Variants in ZNF516 observed in about 807,000 individuals in gnomAD.
The protein encoded by ZNF516 is zinc finger protein 516.
In ZNF516, 19 loss-of-function variants were observed where a neutral mutation model predicts 79.7. The observed-to-expected ratio is 0.24, with a 90% CI of 0.17 to 0.35. The LOEUF (loss-of-function observed/expected upper bound fraction) is 0.35. Ranked by LOEUF, ZNF516 falls within the 10% of genes least tolerant of loss-of-function variation. The pLI is 1.00. For synonymous variants in ZNF516, 877 were observed against 739.5 expected, an observed-to-expected ratio of 1.19 and a Z score of -3.02; for missense variants, 1,678 against 1,679.5, an observed-to-expected ratio of 1.00 and a Z score of 0.02.
chr18:76,452,917 G>C (rs1044533913), intron 2 of ZNF516, among the ~76,000 whole-genome samples: 1 of 152,202 alleles, frequency 6.6e-6, no homozygotes, highest in Non-Finnish European at 1.5e-5. Flanking sequence ...GATAGTTCTA[G>C]AGACTTTTTA....
chr18:76,488,474 G>A lies in ZNF516; in HGVS notation c.-272+6670C>T, dbSNP rs1478507792. On this transcript the variant is annotated intron_variant, in intron 1 of 6. Coordinates refer to ENST00000443185, the MANE Select transcript of ZNF516 (RefSeq NM_014643.4). ...AACCCACGGGTATTCCTTGGACTAC[G>A]TTCAGTAGATAGACAACTGAACTTT... Among the ~76,000 whole-genome samples the A allele has an allele frequency of 2.2e-5, 3 of 133,586 alleles. No individual in the cohort carries two copies. The East Asian group carries it at 8.0e-4, about 36-fold the overall frequency. The allele number at this position is 133,586 out of a possible 152,430, so 87.6% of individuals were successfully genotyped here. A position where few individuals can be genotyped will look rare whatever the true frequency, so the allele number is the denominator to read the frequency against.
chr18:76,417,619 A>G (rs527345647), intron 3 of ZNF516, among the ~76,000 whole-genome samples: 18 of 152,368 alleles, frequency 1.2e-4, no homozygotes, highest in Admixed American at 6.5e-5. Context: ...AAAGCCAAGA[A>G]GTAATAAAAC....
chr18:76,367,841 T>C (rs689635), intron 6 of ZNF516, among the ~76,000 whole-genome samples: 4,837 of 152,322 alleles, frequency 0.032, 136 homozygotes, highest in African/African-American at 0.064. Flanking sequence ...TAAATTATTA[T>C]AAAATGGAAT....
chr18:76,425,300 T>C (rs1312770706), intron 3 of ZNF516, among the ~76,000 whole-genome samples: 1 of 152,214 alleles, frequency 6.6e-6, no homozygotes, highest in Non-Finnish European at 1.5e-5. Flanking sequence ...TCTTCAACAG[T>C]GCAAGCACAG....
At chr18:76,388,978 A>G in intron 3 of ZNF516, 1 of 152,734 alleles carries the variant, frequency 6.5e-6, no homozygotes, top group Non-Finnish European at 1.5e-5. Context: ...GCAAATGAAC[A>G]AGAGTGAGCG....
At chr18:76,455,856 G>A (rs183302923) in intron 2 of ZNF516, among the ~76,000 whole-genome samples, 151 of 152,250 alleles carry the variant, frequency 9.9e-4, no homozygotes, top group African/African-American at 3.2e-3. Flanking sequence ...CTTGCCCACC[G>A]AACCAAGGTA....
intron 3 of ZNF516, among the ~76,000 whole-genome samples, chr18:76,429,021 G>A (rs899392437): frequency 1.3e-5 from 2 of 152,250 alleles, no homozygotes; most frequent in African/African-American, 2.4e-5. Context: ...AGGTCAGCAC[G>A]AGATGCAGGC....
In ZNF516 at chr18:76,472,837, T is replaced by C. The variant is rs141341108; in HGVS notation, c.-271-9696A>G. On this transcript the variant is annotated intron_variant, in intron 1 of 6. Transcript: ENST00000443185. ...GAATTACATCCAAATAACTGTGATC[T>C]ACACATAAAATAAACATGCGATCCT... 2.4e-4 allele frequency among the ~76,000 whole-genome samples: 37 copies of C among 152,352 alleles called. No individual in the cohort carries two copies. In the East Asian group the frequency reaches 6.7e-3, roughly 28 times the overall value.
At chr18:76,480,719 G>A (rs1238846468) in intron 1 of ZNF516, among the ~76,000 whole-genome samples, 1 of 151,970 alleles carries the variant, frequency 6.6e-6, no homozygotes, top group African/African-American at 2.4e-5. Context: ...ATGGGGTTTT[G>A]CCATGTTGGC....
In ZNF516 at chr18:76,443,063, C is replaced by A. The variant is rs1013553534; in HGVS notation, c.-9G>T. 14 of 1,571,566 alleles carry A rather than the reference C, an allele frequency of 8.9e-6. No individual in the cohort carries two copies. Among genetic ancestry groups the A allele is most frequent in the African/African-American group, 1.4e-5 (1 of 73,954 alleles). ...TCTCTGTTGCGATCCATCCGAAGGA[C>A]GGGCGCGGCCGGTGGTGGCGGCACA... On this transcript the variant is annotated 5_prime_UTR_variant, in exon 3 of 7. Transcript: ENST00000443185.
intron 1 of ZNF516, chr18:76,492,250 G>A: frequency 2.0e-6 from 2 of 985,480 alleles, no homozygotes; most frequent in African/African-American, 1.7e-5. Flanking sequence ...GCTCGGCTCA[G>A]GTCGGGTCCG....
chr18:76,440,761 T>TGTGTGTGTGTGTGCGCGC (rs571461431), intron 3 of ZNF516, among the ~76,000 whole-genome samples: 4 of 150,144 alleles, frequency 2.7e-5, no homozygotes, highest in African/African-American at 9.8e-5. Flanking sequence ...TGTGTGTGTG[T>TGTGTGTGTGTGTGCGCGC]GCGCGCACGC....
chr18:76,487,854 T>C, intron 1 of ZNF516: 8 of 844,808 alleles, frequency 9.5e-6, no homozygotes, highest in Non-Finnish European at 1.1e-5. Flanking sequence ...TACATTCCCG[T>C]AATAGGCTGC....
intron 3 of ZNF516, among the ~76,000 whole-genome samples, chr18:76,404,987 A>G (rs562091554): frequency 1.3e-5 from 2 of 152,212 alleles, no homozygotes; most frequent in East Asian, 3.9e-4. Context: ...CTCCCCACAC[A>G]TGCAGCAACC....
intron 6 of ZNF516, among the ~76,000 whole-genome samples, chr18:76,370,257 C>T (rs577132255): frequency 5.9e-5 from 9 of 152,302 alleles, no homozygotes; most frequent in African/African-American, 1.7e-4. Context: ...TTGCAGTCAC[C>T]GCCAGTCTAT....
At chr18:76,367,318 C>CA (rs943109998) in intron 6 of ZNF516, among the ~76,000 whole-genome samples, 3 of 152,216 alleles carry the variant, frequency 2.0e-5, no homozygotes, top group Non-Finnish European at 4.4e-5. Context: ...TAAGCGCCTC[C>CA]AAAGACCTGC....
chr18:76,465,268 C>T (rs1315319817), intron 1 of ZNF516, among the ~76,000 whole-genome samples: 2 of 152,230 alleles, frequency 1.3e-5, no homozygotes, highest in African/African-American at 4.8e-5. Flanking sequence ...GAGATGCTTT[C>T]CTGCCCCTGG....
chr18:76,485,916 A>AAAT (rs147558930), intron 1 of ZNF516, among the ~76,000 whole-genome samples: 33,043 of 148,376 alleles, frequency 0.22, 4,490 homozygotes, highest in South Asian at 0.44. Context: ...TTTTTGACAA[A>AAAT]AATAATAATA....
rs746726086 is a variant in ZNF516 at position 76,442,651 on chromosome 18, T to C, written c.404A>G (p.Asp135Gly). The C allele has an allele frequency of 1.3e-6, 2 of 1,587,036 alleles. No homozygotes were observed. Among genetic ancestry groups the C allele is most frequent in the Admixed American group, 3.5e-5 (2 of 57,734 alleles). The change falls in exon 3 of 7, where the codon GAC becomes GGC. Residue 135 changes from aspartate to glycine, a missense_variant. By Grantham distance (94) the Asp-to-Gly change is moderately conservative. Coordinates refer to ENST00000443185, the MANE Select transcript of ZNF516 (RefSeq NM_014643.4). ...NRLLNGASQA[D>G]GARVLNGASQ... ...GGCCCCGTTCAGGACCCTGGCGCCG[T>C]CGGCCTGCGAGGCCCCGTTCAGCAG... is the stretch of plus-strand genomic sequence containing the variant.
Sources: allele counts gnomAD v4.1 joint callset (sites outside exome capture counted in the v4.1 genomes callset), GRCh38; gene constraint gnomAD v4.1.1; transcripts MANE v1.5; gene names NCBI Gene and HGNC (gene_info 2026-07-23, HGNC 2026-07-21).